Variants in EIF1B observed in about 807,000 individuals in gnomAD.
EIF1B encodes the protein protein translation factor SUI1 homolog GC20.
Under a neutral mutation model 14.8 loss-of-function variants are expected in EIF1B, and 5 were observed. The ratio of observed to expected loss-of-function variants is 0.34; its 90% confidence interval spans 0.18 to 0.71. The LOEUF (loss-of-function observed/expected upper bound fraction) is 0.71, where lower values mean the gene tolerates loss of function less well. Among genes scored for constraint, EIF1B ranks in the 30% least tolerant of loss-of-function variants. EIF1B has a pLI of 0.64. For synonymous variants in EIF1B, 45 were observed against 45.8 expected (o/e 0.98, Z 0.07); for missense variants, 56 against 134.0 (o/e 0.42, Z 2.87).
intron 2 of EIF1B, 155 bp from the exon 3 acceptor site, chr3:40,311,315 A>G: frequency 3.3e-6 from 2 of 609,764 alleles, no homozygotes; most frequent in Non-Finnish European, 5.5e-6. Flanking sequence ...TTCCTGGTTT[A>G]CAAATTAATT....
At chr3:40,310,211 C>T (rs1372812867) in intron 1 of EIF1B, among the ~76,000 whole-genome samples, 2 of 152,254 alleles carry the variant, frequency 1.3e-5, no homozygotes, top group African/African-American at 4.8e-5. Flanking sequence ...CCCCCTGCCC[C>T]GTCCTTGACC....
chr3:40,309,993 C>T (rs11709089), intron 1 of EIF1B, 21 bp downstream of exon 1: 546,550 of 1,612,486 alleles, frequency 0.34, 96,551 homozygotes, highest in East Asian at 0.61. Context: ...GTCGCCGCCG[C>T]CTCCCTCCCT....
intron 1 of EIF1B, 99 bp from the exon 2 acceptor site, chr3:40,310,794 A>G (rs887520388): frequency 1.5e-6 from 2 of 1,313,830 alleles, no homozygotes; most frequent in Admixed American, 3.0e-5. Flanking sequence ...ACCTTCATTG[A>G]TGACTGTCTG....
chr3:40,310,000 C>T, intron 1 of EIF1B, 28 bp downstream of exon 1: 2 of 1,613,114 alleles, frequency 1.2e-6, no homozygotes, highest in Non-Finnish European at 1.7e-6. Flanking sequence ...CCGCCTCCCT[C>T]CCTTGCCCGG....
At chr3:40,310,809 G>A in intron 1 of EIF1B, 84 bp from the exon 2 acceptor site, 4 of 1,378,810 alleles carry the variant, frequency 2.9e-6, no homozygotes, top group Admixed American at 2.8e-5. Flanking sequence ...TGTCTGGATT[G>A]GTAGTATAAT....
intron 3 of EIF1B, 95 bp downstream of exon 3, chr3:40,311,666 T>C (rs906052444): frequency 1.9e-5 from 20 of 1,029,102 alleles, no homozygotes; most frequent in Non-Finnish European, 2.5e-5. Context: ...TAAAAAATCA[T>C]ACGAATGAAG....
chr3:40,311,408 C>T (rs1954324682), intron 2 of EIF1B, 62 bp from the exon 3 acceptor site: 1 of 1,202,582 alleles, frequency 8.3e-7, no homozygotes, highest in Non-Finnish European at 1.2e-6. Context: ...TCTGTTCATA[C>T]GGTGAAATAA....
intron 2 of EIF1B, 88 bp from the exon 3 acceptor site, chr3:40,311,359 GTTTCTCTAAATATGATCTAGCTT>G: frequency 1.3e-6 from 1 of 749,902 alleles, no homozygotes; most frequent in Non-Finnish European, 2.1e-6. Context: ...GACAAAATCT[GTTTCTCTAAATATGATCTAGCTT>G]ACTGAAATGG....
chr3:40,310,972 A>G lies in EIF1B; in HGVS notation c.111A>G (p.Gln37=), dbSNP rs776682893. 6 of 1,613,990 alleles carry G rather than the reference A, an allele frequency of 3.7e-6. No homozygotes were observed. In the East Asian group the frequency reaches 1.1e-4, roughly 30 times the overall value. ...ATTACATTCATATAAGAATCCAGCA[A>G]CGGAACGGCAGAAAGACACTGACTA... ...TEDYIHIRIQ[Q]RNGRKTLTTV... is the part of the protein sequence containing the mutation. The change falls in exon 2 of 4, where the codon CAA becomes CAG. Residue 37 remains glutamine (Q), a synonymous_variant. Coordinates refer to ENST00000232905, the MANE Select transcript of EIF1B (RefSeq NM_005875.3).
chr3:40,310,078 C>T lies in EIF1B; in HGVS notation c.31+106C>T. The T allele has an allele frequency of 4.8e-6, 7 of 1,463,122 alleles. No homozygotes were observed. In the Admixed American group the frequency reaches 5.2e-5, roughly 11 times the overall value. The allele number at this position is 1,463,122 out of a possible 1,614,324, so 90.6% of individuals were successfully genotyped here. A position where few individuals can be genotyped will look rare whatever the true frequency, so the allele number is the denominator to read the frequency against. On this transcript the variant is annotated intron_variant, in intron 1 of 3. Coordinates refer to ENST00000232905, the MANE Select transcript of EIF1B (RefSeq NM_005875.3). ...GGCCCCCTTTCTGCCCTTCCCGCAC[C>T]CCTAGTGGGGCTTTGTCTCGGCGCC...
rs1340439033 is a variant in EIF1B, at chr3:40,309,730, C to T, written c.-212C>T. 6.9e-6 allele frequency: 4 copies of T among 582,126 alleles called. No homozygotes were observed. The highest frequency in any genetic ancestry group is 1.9e-5 in the African/African-American group (1 of 53,096). The allele number at this position is 582,126 out of a possible 1,614,324, so 36.1% of individuals were successfully genotyped here. On this transcript the variant is annotated 5_prime_UTR_variant, in exon 1 of 4. Coordinates refer to ENST00000232905, the MANE Select transcript of EIF1B (RefSeq NM_005875.3). ...GCGAGAAGCCGCAGCGCCGCCTCTTCTCTCGCGCCCTCGCCTCTTCCTCCG... is the reference window on the plus strand; with the variant it reads ...GCGAGAAGCCGCAGCGCCGCCTCTTTTCTCGCGCCCTCGCCTCTTCCTCCG...
At chr3:40,310,674 A>G (rs980110427) in intron 1 of EIF1B, 7 of 406,792 alleles carry the variant, frequency 1.7e-5, no homozygotes, top group Non-Finnish European at 2.6e-5. Flanking sequence ...TTTTTCTACA[A>G]TGGACATAGC....
In EIF1B at chr3:40,312,100, T is replaced by G; in HGVS notation, c.*86T>G. ...TGCCTTGTGAAATGATTCCCTGCAGTAAACGGACTTTTCATTTATTTAATC... is the reference window on the plus strand; with the variant it reads ...TGCCTTGTGAAATGATTCCCTGCAGGAAACGGACTTTTCATTTATTTAATC... On this transcript the variant is annotated 3_prime_UTR_variant, in exon 4 of 4. Transcript: ENST00000232905. 3.4e-6 allele frequency: 3 copies of G among 894,886 alleles called. No individual in the cohort carries two copies. Among genetic ancestry groups the G allele is most frequent in the Non-Finnish European group, 5.5e-6 (3 of 543,786 alleles). The allele number at this position is 894,886 out of a possible 1,614,324, so 55.4% of individuals were successfully genotyped here.
chr3:40,309,787 G>A lies in EIF1B; in HGVS notation c.-155G>A, dbSNP rs567928983. ...CCTTCGCCTCTTCCTGCCTCCTCCCGGCTTCCGCCGCCGCCACTCCAGCCT... is the reference window on the plus strand; with the variant it reads ...CCTTCGCCTCTTCCTGCCTCCTCCCAGCTTCCGCCGCCGCCACTCCAGCCT... On this transcript the variant is annotated 5_prime_UTR_variant, in exon 1 of 4. Coordinates refer to ENST00000232905, the MANE Select transcript of EIF1B (RefSeq NM_005875.3). The A allele has an allele frequency of 1.1e-4, 94 of 836,246 alleles. 1 individual carries two copies. The East Asian group carries it at 2.4e-3, about 21-fold the overall frequency. 51.8% of individuals were successfully genotyped at this position (836,246 alleles called of 1,614,324 possible). A position where few individuals can be genotyped will look rare whatever the true frequency, so the allele number is the denominator to read the frequency against.
rs556941019 is a variant in EIF1B, at chr3:40,309,934, A to C, written c.-8A>C. ...TTTATCCCCTCACCGGCCTCACACT[A>C]GTATCGCATGTCCACTATCCAGAAC... On this transcript the variant is annotated 5_prime_UTR_variant, in exon 1 of 4. Transcript: ENST00000232905. 28 of 1,613,938 alleles carry C rather than the reference A, an allele frequency of 1.7e-5. No homozygotes were observed. In the Admixed American group the frequency reaches 2.7e-4, roughly 15 times the overall value.
chr3:40,312,116 T>G lies in EIF1B; in HGVS notation c.*102T>G, dbSNP rs1307681610. On this transcript the variant is annotated 3_prime_UTR_variant, in exon 4 of 4. Transcript: ENST00000232905. ...TCCCTGCAGTAAACGGACTTTTCAT[T>G]TATTTAATCATTCAAACTTCCATTC... The G allele has an allele frequency of 4.8e-6, 4 of 837,590 alleles. No homozygotes were observed. The highest frequency in any genetic ancestry group is 3.4e-5 in the African/African-American group (2 of 58,872). 51.9% of individuals were successfully genotyped at this position (837,590 alleles called of 1,614,324 possible). A position where few individuals can be genotyped will look rare whatever the true frequency, so the allele number is the denominator to read the frequency against.
intron 2 of EIF1B, 101 bp downstream of exon 2, chr3:40,311,157 C>T (rs1339879825): frequency 9.1e-7 from 1 of 1,096,964 alleles, no homozygotes. Flanking sequence ...ATAACTAGAC[C>T]AAGAAAGTTG....
Position 40,309,762 on chromosome 3 carries a change from C to G in EIF1B, c.-180C>G. On this transcript the variant is annotated 5_prime_UTR_variant, in exon 1 of 4. Coordinates refer to ENST00000232905, the MANE Select transcript of EIF1B (RefSeq NM_005875.3). ...GCCCTCGCCTCTTCCTCCGCCTCCT[C>G]CTTCGCCTCTTCCTGCCTCCTCCCG... is the stretch of plus-strand genomic sequence containing the variant. The G allele has an allele frequency of 3.0e-6, 2 of 669,548 alleles. No individual in the cohort carries two copies. The highest frequency in any genetic ancestry group is 5.1e-6 in the Non-Finnish European group (2 of 391,102). 41.5% of individuals were successfully genotyped at this position (669,548 alleles called of 1,614,324 possible).
At position 40,309,823 on chromosome 3, in the gene EIF1B, C is replaced by G; in HGVS notation, c.-119C>G. On this transcript the variant is annotated 5_prime_UTR_variant, in exon 1 of 4. Coordinates refer to ENST00000232905, the MANE Select transcript of EIF1B (RefSeq NM_005875.3). ...CCGCCACTCCAGCCTAATCCCAACCCCAGGGCGAAGCGTTTTCTTATTTAT... is the reference window on the plus strand; with the variant it reads ...CCGCCACTCCAGCCTAATCCCAACCGCAGGGCGAAGCGTTTTCTTATTTAT... 1 of 1,294,238 alleles carries G rather than the reference C, an allele frequency of 7.7e-7. No individual in the cohort carries two copies. Among genetic ancestry groups the G allele is most frequent in the Non-Finnish European group, 1.1e-6 (1 of 903,342 alleles). 80.2% of individuals were successfully genotyped at this position (1,294,238 alleles called of 1,614,324 possible). A position where few individuals can be genotyped will look rare whatever the true frequency, so the allele number is the denominator to read the frequency against.
Sources: allele counts gnomAD v4.1 joint callset (sites outside exome capture counted in the v4.1 genomes callset), GRCh38; gene constraint gnomAD v4.1.1; transcripts MANE v1.5; gene names NCBI Gene and HGNC (gene_info 2026-07-23, HGNC 2026-07-21).